ADAM12: variants seen among roughly 807,000 people sequenced by gnomAD.
ADAM12 encodes ADAM metallopeptidase domain 12.
ADAM12 carries 70 observed loss-of-function variants against 106.4 expected under a neutral mutation model. That is an observed-to-expected ratio of 0.66 (90% CI 0.54 to 0.80). ADAM12 has a LOEUF of 0.80. Among genes scored for constraint, ADAM12 ranks in the 30% least tolerant of loss-of-function variants. The pLI, the probability that ADAM12 is intolerant of heterozygous loss-of-function variation, is 0.00. For synonymous variants in ADAM12, 420 were observed against 433.5 expected (o/e 0.97, Z 0.39); for missense variants, 1,010 against 1,171.9 (o/e 0.86, Z 2.02).
At chr10:126,210,961 C>T (rs1417309324) in intron 3 of ADAM12, among the ~76,000 whole-genome samples, 1 of 152,092 alleles carries the variant, frequency 6.6e-6, no homozygotes, top group African/African-American at 2.4e-5. Flanking sequence ...GAGTAATTGC[C>T]TTTTTCCTAT....
At chr10:126,282,400 T>C (rs1163824994) in intron 2 of ADAM12, among the ~76,000 whole-genome samples, 1 of 152,176 alleles carries the variant, frequency 6.6e-6, no homozygotes, top group East Asian at 1.9e-4. Flanking sequence ...CATGCTAAAT[T>C]CATTATTACA....
intron 3 of ADAM12, among the ~76,000 whole-genome samples, chr10:126,237,779 T>TCA (rs1958446868): frequency 6.6e-6 from 1 of 152,196 alleles, no homozygotes; most frequent in Non-Finnish European, 1.5e-5. Flanking sequence ...CTGCACAGCT[T>TCA]CAGAGGCCCC....
intron 4 of ADAM12, among the ~76,000 whole-genome samples, chr10:126,152,960 TG>T (rs1265175874): frequency 6.6e-6 from 1 of 152,218 alleles, no homozygotes; most frequent in Non-Finnish European, 1.5e-5. Context: ...ATTTGGTCAC[TG>T]TTGCAACAGT....
chr10:126,033,433 T>A (rs947549298), intron 21 of ADAM12, among the ~76,000 whole-genome samples: 14 of 152,216 alleles, frequency 9.2e-5, no homozygotes, highest in Non-Finnish European at 1.5e-5. Flanking sequence ...ACATAAAGTA[T>A]GCTGGCTAGG....
intron 3 of ADAM12, among the ~76,000 whole-genome samples, chr10:126,203,810 C>T (rs1957744438): frequency 6.6e-6 from 1 of 152,178 alleles, no homozygotes; most frequent in South Asian, 2.1e-4. Context: ...AGAGACTGTG[C>T]TATGGCCCAG....
intron 3 of ADAM12, among the ~76,000 whole-genome samples, chr10:126,232,906 G>A (rs915625152): frequency 6.6e-6 from 1 of 152,188 alleles, no homozygotes; most frequent in Non-Finnish European, 1.5e-5. Context: ...GGAGTGAGTA[G>A]GTAGGTGGGG....
chr10:126,329,227 T>G (rs1308341825), intron 2 of ADAM12, among the ~76,000 whole-genome samples: 1 of 152,218 alleles, frequency 6.6e-6, no homozygotes, highest in Non-Finnish European at 1.5e-5. Context: ...CCAGGCATTC[T>G]GTACTTCTAA....
At chr10:126,382,752 G>A (rs1590848966) in intron 1 of ADAM12, among the ~76,000 whole-genome samples, 1 of 152,006 alleles carries the variant, frequency 6.6e-6, no homozygotes, top group Admixed American at 6.6e-5. Context: ...CAAATGGGGG[G>A]GAAAGAGAAT....
chr10:126,298,992 A>G (rs189053543), intron 2 of ADAM12, among the ~76,000 whole-genome samples: 1 of 152,234 alleles, frequency 6.6e-6, no homozygotes, highest in Non-Finnish European at 1.5e-5. Flanking sequence ...CGCAGATTGC[A>G]TTAAAGAAAT....
intron 11 of ADAM12, among the ~76,000 whole-genome samples, chr10:126,072,183 C>T (rs1359988837): frequency 6.6e-6 from 1 of 152,116 alleles, no homozygotes; most frequent in Non-Finnish European, 1.5e-5. Flanking sequence ...CTATCTTCCC[C>T]CAGCACAGTT....
At chr10:126,338,414 G>T (rs560332476) in intron 1 of ADAM12, among the ~76,000 whole-genome samples, 2 of 151,384 alleles carry the variant, frequency 1.3e-5, no homozygotes, top group Non-Finnish European at 2.9e-5. Context: ...CACTACGCCC[G>T]GCTAATTTTT....
At chr10:126,018,272 A>G (rs1448564175) in intron 22 of ADAM12, among the ~76,000 whole-genome samples, 1 of 152,224 alleles carries the variant, frequency 6.6e-6, no homozygotes, top group African/African-American at 2.4e-5. Context: ...CCAAGAGGGC[A>G]TGTGTGTCAG....
At chr10:126,173,664 C>T (rs927213433) in intron 3 of ADAM12, among the ~76,000 whole-genome samples, 2 of 151,956 alleles carry the variant, frequency 1.3e-5, no homozygotes, top group Non-Finnish European at 2.9e-5. Flanking sequence ...GTTTTAAAGT[C>T]AATGGAGGAA....
chr10:126,368,137 A>G (rs540702380), intron 1 of ADAM12, among the ~76,000 whole-genome samples: 1 of 152,010 alleles, frequency 6.6e-6, no homozygotes, highest in African/African-American at 2.4e-5. Flanking sequence ...GTGTATATAT[A>G]TGTGTGTATG....
At chr10:126,224,948 C>T (rs1958163855) in intron 3 of ADAM12, among the ~76,000 whole-genome samples, 1 of 152,248 alleles carries the variant, frequency 6.6e-6, no homozygotes, top group East Asian at 1.9e-4. Flanking sequence ...CCGCCACCCT[C>T]CTCCTCTACG....
intron 3 of ADAM12, among the ~76,000 whole-genome samples, chr10:126,158,562 GCA>G (rs1956868775): frequency 8.7e-6 from 1 of 114,714 alleles, no homozygotes; most frequent in Admixed American, 9.0e-5. Flanking sequence ...AGAGCATGGG[GCA>G]GGGATGCACA....
intron 6 of ADAM12, among the ~76,000 whole-genome samples, chr10:126,112,278 C>A (rs998111127): frequency 6.6e-6 from 1 of 150,436 alleles, no homozygotes; most frequent in South Asian, 2.1e-4. Flanking sequence ...GTGCAGCAAA[C>A]CACCATGGCA....
intron 3 of ADAM12, among the ~76,000 whole-genome samples, chr10:126,211,405 T>C (rs1041165731): frequency 1.6e-4 from 24 of 152,324 alleles, no homozygotes; most frequent in African/African-American, 2.9e-4. Flanking sequence ...GCCAAGGACA[T>C]TGGAAAAGAG....
chr10:126,330,438 T>C lies in ADAM12; in HGVS notation c.160A>G (p.Ile54Val). The C allele has an allele frequency of 6.2e-7, 1 of 1,613,810 alleles. No individual in the cohort carries two copies. Among genetic ancestry groups the C allele is most frequent in the South Asian group, 1.1e-5 (1 of 91,020 alleles). Residue 54 changes from isoleucine (I) to valine (V), a missense_variant, in exon 2 of 23, where the codon ATC becomes GTC. Ile to Val is a conservative substitution (Grantham distance 29). This residue lies in a region of ADAM12 where 391 missense variants were observed against 442.9 expected (regional missense o/e 0.88). Transcript: ENST00000448723. ...SASVGSGDLW[I>V]PVKSFDSKNH... The stretch of plus-strand genomic sequence containing the variant: ...TTGGAGTCGAAGCTCTTCACTGGGA[T>C]CCAGAGGTCCCCACTCCCAACAGAG...
Sources: allele counts gnomAD v4.1 joint callset (sites outside exome capture counted in the v4.1 genomes callset), GRCh38; gene constraint gnomAD v4.1.1; regional missense constraint gnomAD v4.1.1; transcripts MANE v1.5; gene names NCBI Gene and HGNC (gene_info 2026-07-23, HGNC 2026-07-21).